DPP10: variants seen among roughly 807,000 people sequenced by gnomAD.
DPP10 encodes inactive dipeptidyl peptidase 10.
DPP10 carries 33 observed loss-of-function variants against 120.9 expected under a neutral mutation model. The ratio of observed to expected loss-of-function variants is 0.27; its 90% CI spans 0.21 to 0.37. The LOEUF is 0.37. Ranked by LOEUF, DPP10 falls within the 10% of genes least tolerant of loss-of-function variation. DPP10 has a pLI of 1.00. For synonymous variants in DPP10, 337 were observed against 326.1 expected, an observed-to-expected ratio of 1.03 and a Z score of -0.36; for missense variants, 816 against 942.8, an observed-to-expected ratio of 0.87 and a Z score of 1.76.
intron 3 of DPP10, among the ~76,000 whole-genome samples, chr2:115,425,060 A>G (rs1302125352): frequency 6.6e-6 from 1 of 152,168 alleles, no homozygotes; most frequent in Non-Finnish European, 1.5e-5. Flanking sequence ...CTTTCTGTGG[A>G]ATTAATCAGT....
chr2:115,313,112 A>T (rs1019656008), intron 2 of DPP10, among the ~76,000 whole-genome samples: 2 of 152,088 alleles, frequency 1.3e-5, no homozygotes, highest in African/African-American at 4.8e-5. Flanking sequence ...AGTCCCAGCT[A>T]CTCGGGAGGC....
intron 1 of DPP10, among the ~76,000 whole-genome samples, chr2:114,758,196 A>G (rs978312510): frequency 5.9e-5 from 9 of 152,234 alleles, no homozygotes; most frequent in African/African-American, 2.2e-4. Context: ...AAAGTCAGTT[A>G]AAGCAGTTTT....
intron 7 of DPP10, 86 bp from the exon 8 acceptor site, chr2:115,727,730 A>G (rs936364009): frequency 1.9e-5 from 27 of 1,410,032 alleles, no homozygotes; most frequent in Non-Finnish European, 2.5e-5. Context: ...CAACATGGCT[A>G]TTCAGTGATC....
intron 3 of DPP10, among the ~76,000 whole-genome samples, chr2:115,480,565 G>A (rs1354153632): frequency 1.3e-5 from 2 of 152,078 alleles, no homozygotes; most frequent in African/African-American, 2.4e-5. Flanking sequence ...TATCTTTGAA[G>A]ACAGTTATCT....
At chr2:115,409,140 T>C (rs1279452998) in intron 3 of DPP10, among the ~76,000 whole-genome samples, 10 of 152,182 alleles carry the variant, frequency 6.6e-5, no homozygotes, top group Admixed American at 2.6e-4. Context: ...ATTCTCACTA[T>C]AGAAACTGTA....
chr2:114,760,342 C>T (rs543063417), intron 1 of DPP10, among the ~76,000 whole-genome samples: 2 of 152,278 alleles, frequency 1.3e-5, no homozygotes, highest in Non-Finnish European at 1.5e-5. Context: ...AATTAATTAA[C>T]AGAAATCCAA....
At chr2:115,718,459 G>A (rs2092560288) in intron 7 of DPP10, among the ~76,000 whole-genome samples, 1 of 152,070 alleles carries the variant, frequency 6.6e-6, no homozygotes, top group Non-Finnish European at 1.5e-5. Flanking sequence ...TAACGTAGCT[G>A]TCATTTCATT....
chr2:114,727,852 A>G (rs1417721833), intron 1 of DPP10, among the ~76,000 whole-genome samples: 1 of 152,212 alleles, frequency 6.6e-6, no homozygotes. Flanking sequence ...GAGAGTCACT[A>G]CTTATTCAGT....
At chr2:115,212,019 G>A (rs1292290602) in intron 1 of DPP10, among the ~76,000 whole-genome samples, 2 of 152,144 alleles carry the variant, frequency 1.3e-5, no homozygotes, top group Non-Finnish European at 2.9e-5. Flanking sequence ...ATGACCCAGG[G>A]TGCATGTCTT....
In DPP10 at chr2:115,814,815, C is replaced by T. The variant is rs113462911; in HGVS notation, c.1723C>T (p.Leu575=). The T allele has an allele frequency of 3.6e-3, 5,533 of 1,558,536 alleles. 151 individuals are homozygous for T. In the African/African-American group the frequency reaches 0.061, roughly 17 times the overall value. The change falls in exon 20 of 26, where the codon CTG becomes TTG. Residue 575 remains leucine (L), a synonymous_variant. Coordinates refer to ENST00000410059, the MANE Select transcript of DPP10 (RefSeq NM_020868.6). ...CAGGGATGAAGAACCAGGAGGCCAGCTGGTTACAGATAAGTTCCATATTGA... is the reference window on the plus strand; with the variant it reads ...CAGGGATGAAGAACCAGGAGGCCAGTTGGTTACAGATAAGTTCCATATTGA... ...LIMDEEPGGQ[L]VTDKFHIDWD...
At chr2:115,105,899 T>C (rs2048924452) in intron 1 of DPP10, among the ~76,000 whole-genome samples, 1 of 152,194 alleles carries the variant, frequency 6.6e-6, no homozygotes, top group Non-Finnish European at 1.5e-5. Context: ...AGACTTCGAA[T>C]AAACAAATGA....
chr2:115,038,718 C>T (rs1253404307), intron 1 of DPP10, among the ~76,000 whole-genome samples: 2 of 152,158 alleles, frequency 1.3e-5, no homozygotes, highest in African/African-American at 4.8e-5. Context: ...CTGCATTTAA[C>T]TGTCACAACC....
chr2:114,877,785 C>G (rs1691276715), intron 1 of DPP10, among the ~76,000 whole-genome samples: 1 of 151,900 alleles, frequency 6.6e-6, no homozygotes, highest in Non-Finnish European at 1.5e-5. Flanking sequence ...GAAGCTGTCC[C>G]CGTTAACATG....
At chr2:115,839,404 G>A (rs1448179677) in intron 24 of DPP10, among the ~76,000 whole-genome samples, 6 of 152,026 alleles carry the variant, frequency 3.9e-5, no homozygotes, top group Non-Finnish European at 7.4e-5. Flanking sequence ...GGCTGGGCGC[G>A]GTGGCTCACA....
chr2:114,739,082 T>C (rs1473234547), intron 1 of DPP10, among the ~76,000 whole-genome samples: 1 of 152,236 alleles, frequency 6.6e-6, no homozygotes, highest in East Asian at 1.9e-4. Context: ...GCTATCAGGA[T>C]TGAAACATCA....
intron 5 of DPP10, among the ~76,000 whole-genome samples, chr2:115,556,332 T>G (rs2080208204): frequency 6.6e-6 from 1 of 150,972 alleles, no homozygotes; most frequent in Non-Finnish European, 1.5e-5. Context: ...TCATAAACTT[T>G]CTTAAAACGT....
intron 1 of DPP10, among the ~76,000 whole-genome samples, chr2:115,107,794 A>C (rs1018176166): frequency 6.6e-6 from 1 of 152,178 alleles, no homozygotes; most frequent in African/African-American, 2.4e-5. Context: ...AAAGACTTAT[A>C]GAACATTTTT....
intron 1 of DPP10, among the ~76,000 whole-genome samples, chr2:114,827,071 G>A (rs995008914): frequency 2.0e-5 from 3 of 151,730 alleles, no homozygotes; most frequent in East Asian, 3.9e-4. Flanking sequence ...TGGCTTGTTT[G>A]GGGGTCAGGA....
At chr2:114,805,553 A>G (rs1684651857) in intron 1 of DPP10, among the ~76,000 whole-genome samples, 1 of 152,230 alleles carries the variant, frequency 6.6e-6, no homozygotes, top group Non-Finnish European at 1.5e-5. Flanking sequence ...ACTTAACGCT[A>G]GCCCTTCTCT....
Sources: gnomAD v4.1 joint callset for allele counts (sites outside exome capture counted in the v4.1 genomes callset) on GRCh38, gnomAD v4.1.1 for gene constraint, MANE v1.5 for transcripts, NCBI Gene and HGNC (gene_info 2026-07-23, HGNC 2026-07-21) for gene names.